Variants in ZNF804B observed in about 807,000 individuals in gnomAD.
The protein encoded by ZNF804B is zinc finger protein 804B, also known as zinc finger 804B.
A neutral mutation model predicts 101.4 loss-of-function variants in ZNF804B; 80 were observed. The ratio of observed to expected loss-of-function variants is 0.79; its 90% CI spans 0.66 to 0.95. ZNF804B has a LOEUF of 0.95. Ranked by LOEUF, ZNF804B falls within the 40% of genes least tolerant of loss-of-function variation. ZNF804B has a pLI of 0.00. For synonymous variants in ZNF804B, 622 were observed against 558.8 expected, an observed-to-expected ratio of 1.11 and a Z score of -1.59; for missense variants, 1,673 against 1,561.9, an observed-to-expected ratio of 1.07 and a Z score of -1.20.
At chr7:89,039,786 A>C (rs973777041) in intron 1 of ZNF804B, among the ~76,000 whole-genome samples, 4 of 151,892 alleles carry the variant, frequency 2.6e-5, no homozygotes, top group Admixed American at 2.0e-4. Context: ...ATTGTAACAC[A>C]CTGAATTTAT....
chr7:89,277,914 A>G (rs1426281876), intron 2 of ZNF804B, among the ~76,000 whole-genome samples: 2 of 152,086 alleles, frequency 1.3e-5, no homozygotes, highest in Non-Finnish European at 2.9e-5. Context: ...AGGTCCATGA[A>G]GAGTCGCCAC....
intron 1 of ZNF804B, among the ~76,000 whole-genome samples, chr7:88,820,528 G>C (rs1790960613): frequency 6.6e-6 from 1 of 152,138 alleles, no homozygotes; most frequent in Admixed American, 6.5e-5. Context: ...CCTTTCCATG[G>C]GGACTTGATC....
chr7:89,243,121 T>C (rs879714008), intron 2 of ZNF804B, among the ~76,000 whole-genome samples: 1 of 151,836 alleles, frequency 6.6e-6, no homozygotes, highest in African/African-American at 2.4e-5. Context: ...ATATAATCAC[T>C]TGGTCTTCTA....
intron 2 of ZNF804B, among the ~76,000 whole-genome samples, chr7:89,281,702 C>A (rs1277619693): frequency 6.6e-6 from 1 of 152,134 alleles, no homozygotes; most frequent in Non-Finnish European, 1.5e-5. Flanking sequence ...TAAACAAGGT[C>A]TTTCTGTGTT....
chr7:89,184,743 C>G (rs1562908478), intron 1 of ZNF804B, among the ~76,000 whole-genome samples: 1 of 152,072 alleles, frequency 6.6e-6, no homozygotes, highest in Non-Finnish European at 1.5e-5. Context: ...CTCTAGAGAG[C>G]TATATTTGGA....
intron 1 of ZNF804B, among the ~76,000 whole-genome samples, chr7:88,871,564 C>G (rs1024740847): frequency 6.6e-6 from 1 of 151,898 alleles, no homozygotes; most frequent in Non-Finnish European, 1.5e-5. Flanking sequence ...TGGAACTGAG[C>G]AAAATGTAAA....
At chr7:89,267,200 C>T (rs1157175301) in intron 2 of ZNF804B, among the ~76,000 whole-genome samples, 1 of 152,070 alleles carries the variant, frequency 6.6e-6, no homozygotes, top group African/African-American at 2.4e-5. Flanking sequence ...TGAAATGCTT[C>T]TTTCTTCTTT....
At chr7:89,220,649 C>T (rs758764534) in intron 2 of ZNF804B, among the ~76,000 whole-genome samples, 1 of 151,806 alleles carries the variant, frequency 6.6e-6, no homozygotes, top group Non-Finnish European at 1.5e-5. Flanking sequence ...AAAATTGATG[C>T]TTTGATTATT....
chr7:89,085,300 T>C (rs1367030207), intron 1 of ZNF804B, among the ~76,000 whole-genome samples: 3 of 152,006 alleles, frequency 2.0e-5, no homozygotes, highest in Non-Finnish European at 4.4e-5. Flanking sequence ...GCCTTCCTAG[T>C]TTTATAGAAC....
chr7:89,148,251 A>G (rs917892016), intron 1 of ZNF804B, among the ~76,000 whole-genome samples: 1 of 152,112 alleles, frequency 6.6e-6, no homozygotes, highest in African/African-American at 2.4e-5. Flanking sequence ...CTTATAAAAT[A>G]CTTAGTAGAC....
intron 1 of ZNF804B, among the ~76,000 whole-genome samples, chr7:89,019,997 A>C (rs1247591769): frequency 3.9e-5 from 6 of 151,984 alleles, no homozygotes; most frequent in African/African-American, 1.4e-4. Flanking sequence ...TTCTTTTCTC[A>C]TCATTTCGCT....
At chr7:88,829,913 C>T (rs1791107059) in intron 1 of ZNF804B, among the ~76,000 whole-genome samples, 1 of 151,950 alleles carries the variant, frequency 6.6e-6, no homozygotes, top group South Asian at 2.1e-4. Context: ...CTTTATTTAC[C>T]TTGAATCAAA....
At chr7:89,110,386 G>T (rs1790199434) in intron 1 of ZNF804B, among the ~76,000 whole-genome samples, 1 of 152,180 alleles carries the variant, frequency 6.6e-6, no homozygotes. Context: ...CAATGTGGTA[G>T]ATGGGTTTGA....
At chr7:89,001,471 AC>A (rs888610017) in intron 1 of ZNF804B, among the ~76,000 whole-genome samples, 18 of 151,844 alleles carry the variant, frequency 1.2e-4, no homozygotes, top group African/African-American at 4.1e-4. Context: ...TCATGCTATT[AC>A]ATTTTGCACT....
chr7:88,941,236 A>G (rs1048633156), intron 1 of ZNF804B, among the ~76,000 whole-genome samples: 2 of 152,004 alleles, frequency 1.3e-5, no homozygotes, highest in South Asian at 4.1e-4. Flanking sequence ...TGCTCTTACC[A>G]TACAGTCTAT....
chr7:88,925,967 A>G (rs1410777268), intron 1 of ZNF804B, among the ~76,000 whole-genome samples: 2 of 152,144 alleles, frequency 1.3e-5, no homozygotes, highest in Non-Finnish European at 2.9e-5. Context: ...GGGGAAGAAA[A>G]TCTAGCCAGG....
chr7:88,801,577 C>A (rs1357702541), intron 1 of ZNF804B, among the ~76,000 whole-genome samples: 1 of 152,030 alleles, frequency 6.6e-6, no homozygotes, highest in Non-Finnish European at 1.5e-5. Context: ...TGCTGAAAAC[C>A]AATTTGCAAA....
At chr7:88,848,159 A>T (rs1037633279) in intron 1 of ZNF804B, among the ~76,000 whole-genome samples, 1 of 152,194 alleles carries the variant, frequency 6.6e-6, no homozygotes, top group Non-Finnish European at 1.5e-5. Context: ...ATCCTACGGT[A>T]CAAACAGGAC....
chr7:88,854,527 T>TTCCCTTCCCTTCCCTTCC (rs1554340248), intron 1 of ZNF804B, among the ~76,000 whole-genome samples: 4 of 40,080 alleles, frequency 1.0e-4, no homozygotes, highest in African/African-American at 3.1e-4. Flanking sequence ...CTTTCCTTCC[T>TTCCCTTCCCTTCCCTTCC]TTCCTTCCTT....
Sources: gnomAD v4.1 joint callset for allele counts (sites outside exome capture counted in the v4.1 genomes callset) on GRCh38, gnomAD v4.1.1 for gene constraint, MANE v1.5 for transcripts, NCBI Gene and HGNC (gene_info 2026-07-23, HGNC 2026-07-21) for gene names.